The following TTC28 variants were observed in gnomAD, a reference collection of about 807,000 sequenced individuals.
The protein encoded by TTC28 is tetratricopeptide repeat protein 28.
In TTC28, 61 loss-of-function variants were observed where a neutral mutation model predicts 198.0. That is an observed-to-expected ratio of 0.31 (90% CI 0.25 to 0.38). The LOEUF (loss-of-function observed/expected upper bound fraction) is 0.38, where lower values mean the gene tolerates loss of function less well. Among genes scored for constraint, TTC28 ranks in the 10% least tolerant of loss-of-function variants. The probability of loss-of-function intolerance (pLI) is 1.00; values close to 1 mark genes in which losing one functional copy is unlikely to be tolerated. For missense variants in TTC28, 2,678 were observed against 3,164.0 expected, an observed-to-expected ratio of 0.85 and a Z score of 3.69; for synonymous variants, 1,171 against 1,297.8, an observed-to-expected ratio of 0.90 and a Z score of 2.10.
intron 12 of TTC28, among the ~76,000 whole-genome samples, chr22:28,060,851 T>C (rs1039533491): frequency 6.6e-6 from 1 of 152,196 alleles, no homozygotes; most frequent in Non-Finnish European, 1.5e-5. Flanking sequence ...GTAAAAGTGT[T>C]CCTATTTCTC....
intron 2 of TTC28, among the ~76,000 whole-genome samples, chr22:28,485,820 C>A (rs2048308431): frequency 6.6e-6 from 1 of 152,038 alleles, no homozygotes; most frequent in African/African-American, 2.4e-5. Context: ...TGAAAAGAAA[C>A]TGCATTTCTG....
chr22:28,601,155 C>T (rs2050633568), intron 2 of TTC28, among the ~76,000 whole-genome samples: 1 of 152,082 alleles, frequency 6.6e-6, no homozygotes, highest in Non-Finnish European at 1.5e-5. Context: ...TCACAATAAA[C>T]TTGTAGGAAA....
intron 2 of TTC28, among the ~76,000 whole-genome samples, chr22:28,622,494 A>G (rs2051015603): frequency 6.6e-6 from 1 of 152,098 alleles, no homozygotes; most frequent in Non-Finnish European, 1.5e-5. Context: ...AAAAAAATCA[A>G]CTCTAGAAAG....
chr22:28,181,986 C>T (rs1349689628), intron 5 of TTC28, among the ~76,000 whole-genome samples: 1 of 152,146 alleles, frequency 6.6e-6, no homozygotes, highest in African/African-American at 2.4e-5. Flanking sequence ...CTTCATAGTT[C>T]TATTAGGGAG....
At chr22:28,455,183 G>C (rs996992661) in intron 2 of TTC28, among the ~76,000 whole-genome samples, 16 of 151,904 alleles carry the variant, frequency 1.1e-4, no homozygotes, top group African/African-American at 3.9e-4. Context: ...CAGTGTTCTG[G>C]GTATAGAACA....
intron 5 of TTC28, among the ~76,000 whole-genome samples, chr22:28,279,067 T>C (rs2044528485): frequency 6.6e-6 from 1 of 152,198 alleles, no homozygotes; most frequent in African/African-American, 2.4e-5. Context: ...ACTTCTATTT[T>C]TTATTTTTTC....
chr22:28,470,757 G>A (rs561370467), intron 2 of TTC28, among the ~76,000 whole-genome samples: 8 of 152,304 alleles, frequency 5.3e-5, no homozygotes, highest in Non-Finnish European at 7.4e-5. Context: ...AAACTGGAAC[G>A]TAAAACAGCC....
intron 2 of TTC28, among the ~76,000 whole-genome samples, chr22:28,588,140 T>C (rs1215140205): frequency 2.0e-5 from 2 of 100,632 alleles, no homozygotes; most frequent in Non-Finnish European, 4.7e-5. Flanking sequence ...AGACTCCGTC[T>C]CAAAAAAAAA....
At chr22:28,103,763 G>A (rs1358132536) in intron 8 of TTC28, among the ~76,000 whole-genome samples, 1 of 152,198 alleles carries the variant, frequency 6.6e-6, no homozygotes, top group Non-Finnish European at 1.5e-5. Flanking sequence ...ATATAGAATT[G>A]TGTTGCAATG....
intron 2 of TTC28, among the ~76,000 whole-genome samples, chr22:28,562,898 G>T (rs1411412845): frequency 6.6e-6 from 1 of 152,144 alleles, no homozygotes; most frequent in African/African-American, 2.4e-5. Context: ...TGAGGCAGAC[G>T]GATCACTTGA....
At chr22:28,630,715 T>C (rs757187242) in intron 1 of TTC28, among the ~76,000 whole-genome samples, 5 of 152,170 alleles carry the variant, frequency 3.3e-5, no homozygotes, top group African/African-American at 4.8e-5. Context: ...TATTTAACTT[T>C]TGTGCCCTGG....
chr22:28,284,635 C>G (rs1401214952), intron 5 of TTC28, among the ~76,000 whole-genome samples: 1 of 151,826 alleles, frequency 6.6e-6, no homozygotes, highest in African/African-American at 2.4e-5. Context: ...GGAATTCATA[C>G]AACTCAATTG....
intron 2 of TTC28, among the ~76,000 whole-genome samples, chr22:28,438,652 T>C (rs1244798743): frequency 1.3e-5 from 2 of 152,254 alleles, no homozygotes; most frequent in Non-Finnish European, 2.9e-5. Flanking sequence ...CACAGTGTTA[T>C]CTGATACTAA....
chr22:28,506,308 T>G (rs1054843338), intron 2 of TTC28, among the ~76,000 whole-genome samples: 3 of 151,968 alleles, frequency 2.0e-5, no homozygotes, highest in African/African-American at 2.4e-5. Flanking sequence ...CCAGACTGCT[T>G]CTTTAATTGC....
intron 2 of TTC28, among the ~76,000 whole-genome samples, chr22:28,528,612 T>C (rs1359162719): frequency 6.6e-6 from 1 of 151,334 alleles, no homozygotes; most frequent in East Asian, 1.9e-4. Context: ...GGCATGCACT[T>C]GTAGTCCGAG....
At chr22:28,191,577 G>A (rs1233058280) in intron 5 of TTC28, among the ~76,000 whole-genome samples, 1 of 152,184 alleles carries the variant, frequency 6.6e-6, no homozygotes, top group Non-Finnish European at 1.5e-5. Context: ...TGGAAAATCG[G>A]GTCTCTCCCA....
intron 2 of TTC28, among the ~76,000 whole-genome samples, chr22:28,438,447 T>A (rs1449663972): frequency 6.6e-5 from 10 of 152,234 alleles, no homozygotes; most frequent in Admixed American, 6.5e-4. Context: ...CAGATTCACA[T>A]TTTATTAATG....
chr22:28,386,144 G>A (rs1237526051), intron 2 of TTC28, among the ~76,000 whole-genome samples: 2 of 149,626 alleles, frequency 1.3e-5, no homozygotes, highest in Admixed American at 6.7e-5. Flanking sequence ...GCGTAGTGGC[G>A]GGCGCCTGTA....
chr22:28,221,484 C>G (rs1275077689), intron 5 of TTC28, among the ~76,000 whole-genome samples: 1 of 152,194 alleles, frequency 6.6e-6, no homozygotes, highest in Admixed American at 6.5e-5. Context: ...CAAGAGAAGA[C>G]AAGAACTGGC....
Sources: allele counts gnomAD v4.1 joint callset (sites outside exome capture counted in the v4.1 genomes callset), GRCh38; gene constraint gnomAD v4.1.1; transcripts MANE v1.5; gene names NCBI Gene and HGNC (gene_info 2026-07-23, HGNC 2026-07-21).